SLC24A2: variants seen among roughly 807,000 people sequenced by gnomAD.
SLC24A2 encodes the protein sodium/potassium/calcium exchanger 2.
Under a neutral mutation model 62.0 loss-of-function variants are expected in SLC24A2, and 36 were observed. That is an observed-to-expected ratio of 0.58 (90% confidence interval 0.44 to 0.77). SLC24A2 has a LOEUF of 0.77. Ranked by LOEUF, SLC24A2 falls within the 30% of genes least tolerant of loss-of-function variation. The probability of loss-of-function intolerance (pLI) is 0.00; values close to 1 mark genes in which losing one functional copy is unlikely to be tolerated. For missense variants in SLC24A2, 846 were observed against 817.9 expected, an observed-to-expected ratio of 1.03 and a Z score of -0.42; for synonymous variants, 358 against 294.0, an observed-to-expected ratio of 1.22 and a Z score of -2.23.
At chr9:19,736,108 T>C (rs570572161) in intron 2 of SLC24A2, among the ~76,000 whole-genome samples, 12 of 152,172 alleles carry the variant, frequency 7.9e-5, no homozygotes, top group African/African-American at 2.6e-4. Context: ...GTCTGGAAAA[T>C]GGTAAAAGTA....
At chr9:19,930,283 T>C in the SLC24A2 span, among the ~76,000 whole-genome samples, 2 of 152,230 alleles carry the variant, frequency 1.3e-5, no homozygotes, top group African/African-American at 4.8e-5. Context: ...CTATAGCATA[T>C]ATTTACTCTA....
In SLC24A2 at chr9:19,508,619, T is replaced by TC. The variant is rs1353635562; in HGVS notation, c.*7533dup. The TC allele has an allele frequency of 6.6e-6, 1 of 152,004 alleles. No individual in the cohort carries two copies. Among genetic ancestry groups the TC allele is most frequent in the African/African-American group, 2.4e-5 (1 of 41,354 alleles). The allele number at this position is 152,004 out of a possible 1,614,324, so 9.4% of individuals were successfully genotyped here. A position where few individuals can be genotyped will look rare whatever the true frequency, so the allele number is the denominator to read the frequency against. ...ACCAGCCTGGGTAACATAGTGAGAC[T>TC]CCATCTCTTAACAACAACAACAAAA... On this transcript the variant is annotated 3_prime_UTR_variant, in exon 11 of 11. Transcript: ENST00000341998.
At chr9:19,956,932 G>A in the SLC24A2 span, among the ~76,000 whole-genome samples, 3 of 152,160 alleles carry the variant, frequency 2.0e-5, no homozygotes, top group Non-Finnish European at 4.4e-5. Flanking sequence ...CCAGGAAGTA[G>A]GCCCTCACCA....
intron 2 of SLC24A2, among the ~76,000 whole-genome samples, chr9:19,746,132 G>C (rs1821826479): frequency 6.6e-6 from 1 of 150,880 alleles, no homozygotes; most frequent in Non-Finnish European, 1.5e-5. Flanking sequence ...ATGCACAAGT[G>C]CATGTGAGTG....
At chr9:19,726,947 T>C (rs1587227067) in intron 2 of SLC24A2, among the ~76,000 whole-genome samples, 1 of 152,326 alleles carries the variant, frequency 6.6e-6, no homozygotes, top group African/African-American at 2.4e-5. Flanking sequence ...TATTTATCCC[T>C]AGGTAGTACA....
the SLC24A2 span, among the ~76,000 whole-genome samples, chr9:20,200,587 CA>C: frequency 2.0e-5 from 3 of 152,176 alleles, no homozygotes; most frequent in East Asian, 5.8e-4. Context: ...GGGCTTAAAA[CA>C]CCCTACTTTT....
the SLC24A2 span, among the ~76,000 whole-genome samples, chr9:19,813,890 T>G: frequency 6.6e-6 from 1 of 152,076 alleles, no homozygotes; most frequent in African/African-American, 2.4e-5. Flanking sequence ...CATCAGACAG[T>G]AAATCTCAGG....
the SLC24A2 span, among the ~76,000 whole-genome samples, chr9:19,983,762 G>A: frequency 6.6e-6 from 1 of 152,058 alleles, no homozygotes; most frequent in African/African-American, 2.4e-5. Context: ...ACCTAGAAAT[G>A]AATCTAGAAT....
chr9:20,262,689 A>G, the SLC24A2 span, among the ~76,000 whole-genome samples: 4 of 152,318 alleles, frequency 2.6e-5, no homozygotes, highest in African/African-American at 7.2e-5. Flanking sequence ...ATAAAATGGA[A>G]ACCATCGGCT....
the SLC24A2 span, among the ~76,000 whole-genome samples, chr9:20,138,775 C>T: frequency 6.6e-6 from 1 of 152,318 alleles, no homozygotes; most frequent in Admixed American, 6.5e-5. Context: ...GGTTAACTCA[C>T]CTCATGCAGA....
At chr9:19,962,576 C>A in the SLC24A2 span, among the ~76,000 whole-genome samples, 26 of 152,272 alleles carry the variant, frequency 1.7e-4, no homozygotes, top group African/African-American at 6.3e-4. Context: ...AGAGGTCCTT[C>A]CCGTCCCTTG....
At chr9:19,847,703 T>C in the SLC24A2 span, among the ~76,000 whole-genome samples, 2 of 152,332 alleles carry the variant, frequency 1.3e-5, no homozygotes, top group African/African-American at 4.8e-5. Context: ...TAGTTTACCA[T>C]CCTAATCCTT....
chr9:20,212,754 T>A, the SLC24A2 span, among the ~76,000 whole-genome samples: 3 of 151,126 alleles, frequency 2.0e-5, no homozygotes, highest in African/African-American at 7.4e-5. Context: ...TTGGTTCCCA[T>A]GAAACAATAA....
At chr9:20,032,923 C>T in the SLC24A2 span, among the ~76,000 whole-genome samples, 1 of 152,156 alleles carries the variant, frequency 6.6e-6, no homozygotes, top group African/African-American at 2.4e-5. Context: ...TAGAAAATGG[C>T]AAGACGTAAC....
the SLC24A2 span, among the ~76,000 whole-genome samples, chr9:20,227,637 T>C: frequency 6.6e-6 from 1 of 152,012 alleles, no homozygotes; most frequent in Admixed American, 6.6e-5. Flanking sequence ...ATAGTGTCTC[T>C]TCTGCCCTTC....
chr9:20,008,145 C>G, the SLC24A2 span, among the ~76,000 whole-genome samples: 1 of 151,996 alleles, frequency 6.6e-6, no homozygotes, highest in Non-Finnish European at 1.5e-5. Context: ...ATCCACCCAC[C>G]TCAGCCTCCC....
intron 4 of SLC24A2, among the ~76,000 whole-genome samples, chr9:19,618,827 T>G (rs1187167027): frequency 6.6e-6 from 1 of 152,174 alleles, no homozygotes; most frequent in Admixed American, 6.5e-5. Flanking sequence ...TTGAACCCCT[T>G]ACTAGTGACA....
In SLC24A2 at chr9:19,622,308, G is replaced by A; in HGVS notation, c.931-9C>T. On this transcript the variant is annotated splice_polypyrimidine_tract_variant and intron_variant, in intron 2 of 10. Transcript: ENST00000341998. ...TCCCTGGCTGCAGATGGCTGCATAA[G>A]AGAAAAAGGCAAAGACAAAAGACAA... 2.5e-6 allele frequency: 4 copies of A among 1,612,142 alleles called. No homozygotes were observed. Among genetic ancestry groups the A allele is most frequent in the Non-Finnish European group, 2.5e-6 (3 of 1,178,504 alleles).
chr9:19,666,549 T>C (rs1397575392), intron 2 of SLC24A2, among the ~76,000 whole-genome samples: 4 of 152,082 alleles, frequency 2.6e-5, no homozygotes, highest in Non-Finnish European at 4.4e-5. Flanking sequence ...AAAATAAAAA[T>C]AATTTTCTAG....
Sources: allele counts gnomAD v4.1 joint callset (sites outside exome capture counted in the v4.1 genomes callset), GRCh38; gene constraint gnomAD v4.1.1; transcripts MANE v1.5; gene names NCBI Gene and HGNC (gene_info 2026-07-23, HGNC 2026-07-21).